IQCM: variants seen among roughly 807,000 people sequenced by gnomAD.
The protein encoded by IQCM is IQ domain-containing protein M.
In IQCM, 45 loss-of-function variants were observed where a neutral mutation model predicts 57.6. The observed-to-expected ratio is 0.78, with a 90% CI of 0.62 to 1.00. The LOEUF is 1.00. IQCM is among the 50% of genes least tolerant of loss of function. IQCM has a pLI of 0.00. For synonymous variants in IQCM, 148 were observed against 158.9 expected, an observed-to-expected ratio of 0.93 and a Z score of 0.51; for missense variants, 468 against 511.6, an observed-to-expected ratio of 0.91 and a Z score of 0.82.
intron 2 of IQCM, among the ~76,000 whole-genome samples, chr4:149,772,201 A>T (rs963186616): frequency 6.7e-6 from 1 of 148,482 alleles, no homozygotes. Context: ...TTATAATTCA[A>T]TGTAAACACA....
At chr4:149,469,364 A>C (rs1396137783) in intron 12 of IQCM, among the ~76,000 whole-genome samples, 1 of 152,212 alleles carries the variant, frequency 6.6e-6, no homozygotes, top group Non-Finnish European at 1.5e-5. Flanking sequence ...AAGTGGAAGA[A>C]AGGGTATCAG....
chr4:149,486,017 G>GTCTCTCTCTCTC lies in IQCM; in HGVS notation c.1229-52472_1229-52461dup, dbSNP rs71596213. ...CCTTACTTTCTCCCAAGCAAACAGA[G>GTCTCTCTCTCTC]TCTCTCTCTCTCTCTCTCTCTCTCT... On this transcript the variant is annotated intron_variant, in intron 12 of 13. Coordinates refer to ENST00000636793, the MANE Select transcript of IQCM (RefSeq NM_001363507.2). 7.1e-3 allele frequency among the ~76,000 whole-genome samples: 864 copies of GTCTCTCTCTCTC among 121,600 alleles called. 11 individuals carry two copies. The highest frequency in any genetic ancestry group is 0.029 in the East Asian group (114 of 3,958). 79.8% of individuals were successfully genotyped at this position (121,600 alleles called of 152,430 possible).
intron 2 of IQCM, among the ~76,000 whole-genome samples, chr4:149,762,888 T>C (rs1297919301): frequency 6.6e-6 from 1 of 152,036 alleles, no homozygotes; most frequent in Non-Finnish European, 1.5e-5. Flanking sequence ...CACATAGCAA[T>C]TTTTAGTAGC....
At chr4:149,475,503 G>A (rs1270600829) in intron 12 of IQCM, among the ~76,000 whole-genome samples, 1 of 152,062 alleles carries the variant, frequency 6.6e-6, no homozygotes, top group African/African-American at 2.4e-5. Context: ...CTAGATATTT[G>A]GGCATAGTCA....
At chr4:149,566,983 G>T (rs1750695661) in intron 9 of IQCM, among the ~76,000 whole-genome samples, 1 of 152,082 alleles carries the variant, frequency 6.6e-6, no homozygotes. Flanking sequence ...TACACAGGTG[G>T]TATATTTTAA....
At chr4:149,458,592 G>T (rs1737945203) in intron 12 of IQCM, among the ~76,000 whole-genome samples, 1 of 151,642 alleles carries the variant, frequency 6.6e-6, no homozygotes, top group Non-Finnish European at 1.5e-5. Context: ...CATCTAGTTT[G>T]CAAGACAGAA....
chr4:149,420,043 G>A (rs541555176), intron 13 of IQCM, among the ~76,000 whole-genome samples: 1 of 152,194 alleles, frequency 6.6e-6, no homozygotes, highest in Admixed American at 6.5e-5. Context: ...CACTGTTGGT[G>A]GGAATGTAAA....
chr4:149,640,031 A>G (rs1758054751), intron 7 of IQCM, among the ~76,000 whole-genome samples: 1 of 152,254 alleles, frequency 6.6e-6, no homozygotes, highest in African/African-American at 2.4e-5. Context: ...TAGCACATGC[A>G]ATAAGTTTAA....
chr4:149,582,242 C>T (rs1432540928), intron 9 of IQCM, among the ~76,000 whole-genome samples: 1 of 142,674 alleles, frequency 7.0e-6, no homozygotes, highest in African/African-American at 2.6e-5. Context: ...CAAACAGCCA[C>T]CAGATCCTGC....
intron 5 of IQCM, chr4:149,691,649 T>C (rs1474396661): frequency 6.6e-6 from 1 of 151,998 alleles, no homozygotes; most frequent in Non-Finnish European, 1.5e-5. Flanking sequence ...TTAGTGAAAT[T>C]TTTGTTGTTG....
chr4:149,577,148 T>A (rs1159324776), intron 9 of IQCM, among the ~76,000 whole-genome samples: 1 of 152,026 alleles, frequency 6.6e-6, no homozygotes, highest in Non-Finnish European at 1.5e-5. Context: ...GTCAGATGCA[T>A]AGTTTGCAAA....
In IQCM at chr4:149,733,277, C is replaced by T. The variant is rs1308676151; in HGVS notation, c.352G>A (p.Glu118Lys). Residue 118 changes from glutamate to lysine, a missense_variant, in exon 5 of 14, where the codon GAA (glutamate) becomes AAA (lysine). Transcript: ENST00000636793. The part of the protein sequence containing the change: ...FKEPHIFSRR[E>K]RCRPIDLITK... Reference sequence around the variant, plus strand: ...ATTAGATCTATGGGCCTGCATCTTTCTCTTCTACTAAAAATGTGTGGTTCC... The same window carrying T: ...ATTAGATCTATGGGCCTGCATCTTTTTCTTCTACTAAAAATGTGTGGTTCC... 8.1e-7 allele frequency: 1 copy of T among 1,231,646 alleles called. No homozygotes were observed. The highest frequency in any genetic ancestry group is 1.0e-6 in the Non-Finnish European group (1 of 987,692). The allele number at this position is 1,231,646 out of a possible 1,614,324, so 76.3% of individuals were successfully genotyped here. A position where few individuals can be genotyped will look rare whatever the true frequency, so the allele number is the denominator to read the frequency against.
intron 12 of IQCM, among the ~76,000 whole-genome samples, chr4:149,536,120 C>T (rs1747267387): frequency 6.6e-6 from 1 of 151,978 alleles, no homozygotes; most frequent in African/African-American, 2.4e-5. Flanking sequence ...CAAAGGTATT[C>T]AGCTCTAGGG....
At chr4:149,659,897 T>A (rs892560058) in intron 7 of IQCM, among the ~76,000 whole-genome samples, 2 of 151,570 alleles carry the variant, frequency 1.3e-5, no homozygotes, top group African/African-American at 2.4e-5. Flanking sequence ...AACCTAGGCA[T>A]TACCATTCAG....
chr4:149,812,473 C>G (rs1406114042), intron 2 of IQCM, among the ~76,000 whole-genome samples: 1 of 138,850 alleles, frequency 7.2e-6, no homozygotes, highest in African/African-American at 3.0e-5. Flanking sequence ...CTCTCTCTCT[C>G]TCTCTCTCAC....
At chr4:149,731,650 C>CTTTGA (rs2149883978) in intron 5 of IQCM, among the ~76,000 whole-genome samples, 1 of 152,182 alleles carries the variant, frequency 6.6e-6, no homozygotes, top group East Asian at 1.9e-4. Flanking sequence ...AAATAATCCA[C>CTTTGA]TAATTCTGAA....
At chr4:149,478,251 G>A (rs978401850) in intron 12 of IQCM, among the ~76,000 whole-genome samples, 1 of 152,138 alleles carries the variant, frequency 6.6e-6, no homozygotes, top group Non-Finnish European at 1.5e-5. Flanking sequence ...TCTTTGCGAG[G>A]AGATGGGCAT....
At chr4:149,523,623 G>T (rs1745876791) in intron 12 of IQCM, among the ~76,000 whole-genome samples, 1 of 152,114 alleles carries the variant, frequency 6.6e-6, no homozygotes, top group Non-Finnish European at 1.5e-5. Flanking sequence ...GCAGACAAAG[G>T]TGAGCAATAA....
chr4:149,815,268 G>A (rs1221386080), intron 2 of IQCM, 43 bp downstream of exon 2: 5 of 151,912 alleles, frequency 3.3e-5, no homozygotes, highest in Non-Finnish European at 7.4e-5. Flanking sequence ...CAAGGGGCCT[G>A]AATTGTTATA....
Sources: allele counts gnomAD v4.1 joint callset (sites outside exome capture counted in the v4.1 genomes callset), GRCh38; gene constraint gnomAD v4.1.1; transcripts MANE v1.5; gene names NCBI Gene and HGNC (gene_info 2026-07-23, HGNC 2026-07-21).